The following ASPRV1 variants were observed in gnomAD, a reference collection of about 807,000 sequenced individuals.
ASPRV1 encodes aspartic peptidase retroviral like 1.
Under a neutral mutation model 11.0 loss-of-function variants are expected in ASPRV1, and 7 were observed. That is an observed-to-expected ratio of 0.64 (90% CI 0.36 to 1.20). ASPRV1 has a LOEUF of 1.20. Ranked by LOEUF, ASPRV1 falls within the 50% of genes most tolerant of loss-of-function variation. The pLI is 0.02. For missense variants in ASPRV1, 299 were observed against 320.0 expected, an observed-to-expected ratio of 0.93 and a Z score of 0.50; for synonymous variants, 136 against 138.4, an observed-to-expected ratio of 0.98 and a Z score of 0.12.
At chr2:69,951,375 G>T in the ASPRV1 span, among the ~76,000 whole-genome samples, 1 of 139,892 alleles carries the variant, frequency 7.1e-6, no homozygotes, top group Non-Finnish European at 1.5e-5. Context: ...AGTGAGCCGA[G>T]ATCACGCCAC....
chr2:70,054,270 T>G, the ASPRV1 span: 1 of 148,548 alleles, frequency 6.7e-6, no homozygotes, highest in East Asian at 2.0e-4. Context: ...CCAGCCTGGG[T>G]GACAGAGTGA....
chr2:70,024,973 T>G, the ASPRV1 span, among the ~76,000 whole-genome samples: 1 of 152,198 alleles, frequency 6.6e-6, no homozygotes, highest in Non-Finnish European at 1.5e-5. Flanking sequence ...ATGCAAAAGA[T>G]CCACCTTTTG....
At chr2:69,973,973 A>G in the ASPRV1 span, among the ~76,000 whole-genome samples, 2 of 152,248 alleles carry the variant, frequency 1.3e-5, no homozygotes, top group African/African-American at 4.8e-5. Flanking sequence ...AAGCACAGTA[A>G]CACAACATTA....
At chr2:70,044,483 G>C in the ASPRV1 span, among the ~76,000 whole-genome samples, 1 of 152,172 alleles carries the variant, frequency 6.6e-6, no homozygotes, top group East Asian at 1.9e-4. Context: ...TTCTGAGACA[G>C]AGTTCCACTC....
At chr2:70,027,566 T>C in the ASPRV1 span, among the ~76,000 whole-genome samples, 1 of 152,026 alleles carries the variant, frequency 6.6e-6, no homozygotes, top group African/African-American at 2.4e-5. Flanking sequence ...TAAAAAAGAA[T>C]GAAATTCTGT....
the ASPRV1 span, among the ~76,000 whole-genome samples, chr2:69,950,894 A>T: frequency 6.6e-6 from 1 of 150,594 alleles, no homozygotes; most frequent in African/African-American, 2.4e-5. Flanking sequence ...TAAATAATAA[A>T]AAATAAAATA....
At chr2:70,067,221 C>T in the ASPRV1 span, among the ~76,000 whole-genome samples, 2 of 152,002 alleles carry the variant, frequency 1.3e-5, no homozygotes, top group African/African-American at 2.4e-5. Flanking sequence ...GGTTGTCAGA[C>T]GTGGGAAGGG....
At chr2:70,071,075 C>T in the ASPRV1 span, among the ~76,000 whole-genome samples, 3 of 152,168 alleles carry the variant, frequency 2.0e-5, no homozygotes, top group Admixed American at 6.5e-5. Flanking sequence ...ATTTTGTGAG[C>T]TCTGATGGCG....
the ASPRV1 span, among the ~76,000 whole-genome samples, chr2:69,980,044 C>T: frequency 6.6e-6 from 1 of 152,206 alleles, no homozygotes; most frequent in Middle Eastern, 3.2e-3. Flanking sequence ...CAGGGAGCCT[C>T]ATTGTCGCTG....
the ASPRV1 span, among the ~76,000 whole-genome samples, chr2:70,024,292 G>C: frequency 6.6e-6 from 1 of 152,166 alleles, no homozygotes; most frequent in Non-Finnish European, 1.5e-5. Context: ...CAGCAGAAGT[G>C]ATATACTAGG....
chr2:69,999,483 G>A, the ASPRV1 span, among the ~76,000 whole-genome samples: 1 of 151,906 alleles, frequency 6.6e-6, no homozygotes, highest in Admixed American at 6.6e-5. Context: ...GTGAAACCTA[G>A]TCTCTACTAC....
At chr2:70,020,187 C>T in the ASPRV1 span, among the ~76,000 whole-genome samples, 1 of 152,084 alleles carries the variant, frequency 6.6e-6, no homozygotes, top group Non-Finnish European at 1.5e-5. Context: ...CATGGCAGTT[C>T]CTCAAATAAT....
downstream of ASPRV1, among the ~76,000 whole-genome samples, chr2:69,957,670 C>A (rs1170910760): frequency 2.0e-5 from 3 of 151,946 alleles, no homozygotes; most frequent in African/African-American, 7.3e-5. Flanking sequence ...GTATTCCCAA[C>A]AGGCTCGCAG....
the ASPRV1 span, among the ~76,000 whole-genome samples, chr2:70,040,236 T>C: frequency 2.6e-5 from 4 of 152,254 alleles, no homozygotes; most frequent in Non-Finnish European, 5.9e-5. Context: ...TTGGGCATAG[T>C]GGCACCCACC....
chr2:70,041,268 T>TA, the ASPRV1 span, among the ~76,000 whole-genome samples: 10 of 152,354 alleles, frequency 6.6e-5, no homozygotes, highest in African/African-American at 1.7e-4. Flanking sequence ...TCAGAAGTCT[T>TA]AGAGATTTCT....
the ASPRV1 span, among the ~76,000 whole-genome samples, chr2:70,019,751 G>A: frequency 6.6e-6 from 1 of 152,176 alleles, no homozygotes; most frequent in Non-Finnish European, 1.5e-5. Flanking sequence ...GTGGTTACCA[G>A]AGGGTGGCGG....
chr2:70,081,133 T>G, the ASPRV1 span: 1 of 152,210 alleles, frequency 6.6e-6, no homozygotes, highest in Admixed American at 6.5e-5. Context: ...CTAACAGCAG[T>G]GCAGGGTCAC....
the ASPRV1 span, chr2:69,995,390 A>G: frequency 1.5e-5 from 2 of 133,374 alleles, no homozygotes; most frequent in African/African-American, 6.3e-5. Context: ...CTCTGCCTCA[A>G]AAAAAAAAAA....
chr2:69,973,335 T>A, the ASPRV1 span, among the ~76,000 whole-genome samples: 1 of 151,992 alleles, frequency 6.6e-6, no homozygotes, highest in African/African-American at 2.4e-5. Flanking sequence ...TTGTACCAAC[T>A]AGCAAGAAAA....
Sources: gnomAD v4.1 joint callset for allele counts (sites outside exome capture counted in the v4.1 genomes callset) on GRCh38, gnomAD v4.1.1 for gene constraint, MANE v1.5 for transcripts, NCBI Gene and HGNC (gene_info 2026-07-23, HGNC 2026-07-21) for gene names.